The following HS6ST3 variants were observed in gnomAD, a reference collection of about 807,000 sequenced individuals.
The protein encoded by HS6ST3 is heparan-sulfate 6-O-sulfotransferase 3.
HS6ST3 carries 12 observed loss-of-function variants against 36.7 expected under a neutral mutation model. The ratio of observed to expected loss-of-function variants is 0.33; its 90% CI spans 0.21 to 0.53. The LOEUF (loss-of-function observed/expected upper bound fraction) is 0.53. Among genes scored for constraint, HS6ST3 ranks in the 20% least tolerant of loss-of-function variants. HS6ST3 has a pLI of 0.95. For synonymous variants in HS6ST3, 240 were observed against 257.5 expected, an observed-to-expected ratio of 0.93 and a Z score of 0.65; for missense variants, 584 against 640.9, an observed-to-expected ratio of 0.91 and a Z score of 0.96.
intron 1 of HS6ST3, among the ~76,000 whole-genome samples, chr13:96,724,982 A>G (rs1206821408): frequency 6.6e-6 from 1 of 152,150 alleles, no homozygotes; most frequent in Admixed American, 6.5e-5. Context: ...TTATATTCCA[A>G]CCAGCAGCAT....
intron 1 of HS6ST3, among the ~76,000 whole-genome samples, chr13:96,342,060 C>A (rs1288939717): frequency 6.6e-6 from 1 of 152,030 alleles, no homozygotes; most frequent in Non-Finnish European, 1.5e-5. Context: ...CTCTCCACCA[C>A]TGAACCTCTT....
intron 1 of HS6ST3, among the ~76,000 whole-genome samples, chr13:96,294,548 T>C (rs1184038119): frequency 6.6e-6 from 1 of 152,082 alleles, no homozygotes; most frequent in African/African-American, 2.4e-5. Context: ...GTTCCCCACA[T>C]TGTAGAAGAT....
chr13:96,187,026 T>C (rs936176018), intron 1 of HS6ST3, among the ~76,000 whole-genome samples: 1 of 152,218 alleles, frequency 6.6e-6, no homozygotes, highest in Non-Finnish European at 1.5e-5. Flanking sequence ...AGACCTGATT[T>C]ACTGGGGGCC....
At chr13:96,483,734 G>A (rs1033085276) in intron 1 of HS6ST3, among the ~76,000 whole-genome samples, 7 of 152,226 alleles carry the variant, frequency 4.6e-5, no homozygotes, top group Admixed American at 2.0e-4. Flanking sequence ...TTTTGGTTAT[G>A]AATTATCATA....
chr13:96,612,496 C>T lies in HS6ST3; in HGVS notation c.708-219994C>T, dbSNP rs564427116. 3.3e-5 allele frequency among the ~76,000 whole-genome samples: 5 copies of T among 152,266 alleles called. No individual in the cohort carries two copies. In the South Asian group the frequency reaches 1.0e-3, roughly 32 times the overall value. On this transcript the variant is annotated intron_variant, in intron 1 of 1. Coordinates refer to ENST00000376705, the MANE Select transcript of HS6ST3 (RefSeq NM_153456.4). ...CCAAATATAACAAATTTAGCTCCAG[C>T]TCCAAGCTTTTCACCCTAATCCCAG...
At chr13:96,435,614 G>A (rs1454715373) in intron 1 of HS6ST3, among the ~76,000 whole-genome samples, 6 of 152,206 alleles carry the variant, frequency 3.9e-5, no homozygotes, top group African/African-American at 1.4e-4. Context: ...GACAAGCATA[G>A]TACTAGGAAG....
At chr13:96,676,561 A>G (rs1289592406) in intron 1 of HS6ST3, among the ~76,000 whole-genome samples, 2 of 152,330 alleles carry the variant, frequency 1.3e-5, no homozygotes, top group East Asian at 3.9e-4. Context: ...AGGTGAGACC[A>G]GGCTCAGTAT....
intron 1 of HS6ST3, among the ~76,000 whole-genome samples, chr13:96,438,507 T>C (rs1486746878): frequency 1.3e-5 from 2 of 152,202 alleles, no homozygotes; most frequent in African/African-American, 4.8e-5. Flanking sequence ...CTCTCTCTAC[T>C]TGGCTCTTAT....
chr13:96,822,333 C>T (rs573352938), intron 1 of HS6ST3, among the ~76,000 whole-genome samples: 5 of 152,312 alleles, frequency 3.3e-5, no homozygotes, highest in South Asian at 2.1e-4. Flanking sequence ...CAAATAATCA[C>T]GGAAGTCCCT....
chr13:96,556,673 T>C (rs1278663654), intron 1 of HS6ST3, among the ~76,000 whole-genome samples: 1 of 152,182 alleles, frequency 6.6e-6, no homozygotes, highest in Non-Finnish European at 1.5e-5. Context: ...GAATGCATTT[T>C]AATACTGGTT....
At chr13:96,637,105 G>A (rs2139004292) in intron 1 of HS6ST3, among the ~76,000 whole-genome samples, 1 of 152,144 alleles carries the variant, frequency 6.6e-6, no homozygotes, top group Non-Finnish European at 1.5e-5. Flanking sequence ...TATTATTTAT[G>A]CACTTAAAAT....
chr13:96,747,515 C>T (rs1876589959), intron 1 of HS6ST3, among the ~76,000 whole-genome samples: 1 of 151,956 alleles, frequency 6.6e-6, no homozygotes. Context: ...ATTACTATCC[C>T]AAATAAGAAT....
chr13:96,661,168 T>C (rs2056645019), intron 1 of HS6ST3, among the ~76,000 whole-genome samples: 1 of 152,130 alleles, frequency 6.6e-6, no homozygotes, highest in African/African-American at 2.4e-5. Context: ...GCTCCTCAAC[T>C]TGCAGATGGC....
At chr13:96,215,513 T>C (rs1024422318) in intron 1 of HS6ST3, among the ~76,000 whole-genome samples, 2 of 152,218 alleles carry the variant, frequency 1.3e-5, no homozygotes, top group African/African-American at 4.8e-5. Flanking sequence ...TCTATAGTTC[T>C]GTGGAAAATG....
rs181356889 is a variant in HS6ST3, at chr13:96,725,453, A to G, written c.708-107037A>G. On this transcript the variant is annotated intron_variant, in intron 1 of 1. Coordinates refer to ENST00000376705, the MANE Select transcript of HS6ST3 (RefSeq NM_153456.4). ...TATGAAATCATCACCTAACCCAAGG[A>G]CACAAAGATTTTCTCCTGTGCTTTT... 5.6e-4 allele frequency among the ~76,000 whole-genome samples: 85 copies of G among 152,276 alleles called. 1 individual carries two copies. Among genetic ancestry groups the G allele is most frequent in the Admixed American group, 2.0e-3 (30 of 15,296 alleles).
intron 1 of HS6ST3, among the ~76,000 whole-genome samples, chr13:96,295,725 A>G (rs967915947): frequency 2.6e-5 from 4 of 152,120 alleles, no homozygotes; most frequent in Admixed American, 2.6e-4. Flanking sequence ...GTGTCTGGTA[A>G]GTATCAAATG....
chr13:96,246,847 T>C (rs1274163891), intron 1 of HS6ST3, among the ~76,000 whole-genome samples: 2 of 152,210 alleles, frequency 1.3e-5, no homozygotes, highest in Non-Finnish European at 2.9e-5. Flanking sequence ...ATGGGCCAGG[T>C]AGTGTAAAAG....
intron 1 of HS6ST3, among the ~76,000 whole-genome samples, chr13:96,491,786 C>T (rs2055947208): frequency 6.6e-6 from 1 of 152,158 alleles, no homozygotes; most frequent in South Asian, 2.1e-4. Flanking sequence ...GTCATGCTGC[C>T]TGTATTCATT....
intron 1 of HS6ST3, among the ~76,000 whole-genome samples, chr13:96,742,984 T>C (rs545918905): frequency 4.6e-5 from 7 of 152,120 alleles, no homozygotes; most frequent in Non-Finnish European, 8.8e-5. Context: ...GAGAGAATCT[T>C]CTCTGGAAGA....
Sources: gnomAD v4.1 joint callset for allele counts (sites outside exome capture counted in the v4.1 genomes callset) on GRCh38, gnomAD v4.1.1 for gene constraint, MANE v1.5 for transcripts, NCBI Gene and HGNC (gene_info 2026-07-23, HGNC 2026-07-21) for gene names.